The following IGFL3 variants were observed in gnomAD, a reference collection of about 807,000 sequenced individuals.
IGFL3 encodes insulin growth factor-like family member 3.
In IGFL3, 12 loss-of-function variants were observed where a neutral mutation model predicts 17.0. That is an observed-to-expected ratio of 0.71 (90% confidence interval 0.45 to 1.14). IGFL3 has a LOEUF of 1.14. Among genes scored for constraint, IGFL3 ranks in the 50% most tolerant of loss-of-function variants. The probability of loss-of-function intolerance (pLI) is 0.00; values close to 1 mark genes in which losing one functional copy is unlikely to be tolerated. For missense variants in IGFL3, 153 were observed against 151.6 expected (o/e 1.01, Z -0.05); for synonymous variants, 52 against 57.4 (o/e 0.91, Z 0.42).
rs757590414 is a variant in IGFL3 at position 46,124,054 on chromosome 19, A to G, written c.182T>C (p.Leu61Ser). Residue 61 changes from leucine (L) to serine (S), a missense_variant, in exon 3 of 4, where the codon TTA (leucine) becomes TCA (serine). Leu to Ser is a moderately radical substitution (Grantham distance 145). Transcript: ENST00000341415. ...SEQCCYDDAI[L>S]SLKETRRCGS... Reference sequence around the variant, plus strand: ...ACAGCGGCGGGTCTCCTTTAAGGATAAGATGGCATCATCATAACAGCACTG... The same window carrying G: ...ACAGCGGCGGGTCTCCTTTAAGGATGAGATGGCATCATCATAACAGCACTG... 3 of 1,611,624 alleles carry G rather than the reference A, an allele frequency of 1.9e-6. 1 individual carries two copies. The South Asian group carries it at 3.3e-5, about 18-fold the overall frequency.
intron 2 of IGFL3, 28 bp from the exon 3 acceptor site, chr19:46,124,184 C>G: frequency 6.2e-7 from 1 of 1,610,210 alleles, no homozygotes. Context: ...TGGTGTACAT[C>G]CAAGGAAGAA....
intron 1 of IGFL3, 33 bp downstream of exon 1, chr19:46,124,592 T>C: frequency 6.3e-7 from 1 of 1,584,440 alleles, no homozygotes; most frequent in Non-Finnish European, 8.6e-7. Context: ...GGGAATGAGA[T>C]GAGATGATGT....
intron 3 of IGFL3, among the ~76,000 whole-genome samples, chr19:46,120,720 A>G (rs1971713408): frequency 6.6e-6 from 1 of 151,082 alleles, no homozygotes; most frequent in African/African-American, 2.5e-5. Context: ...GGAGATACAG[A>G]TATTATAAAC....
intron 3 of IGFL3, among the ~76,000 whole-genome samples, chr19:46,121,370 G>C (rs2146711995): frequency 6.8e-6 from 1 of 146,514 alleles, no homozygotes; most frequent in South Asian, 2.2e-4. Flanking sequence ...CTCCAGCCTG[G>C]GTGACAAAGT....
Position 46,120,430 on chromosome 19 carries a change from A to G in IGFL3, c.351-73T>C, listed in dbSNP as rs564090450. The G allele has an allele frequency of 2.3e-5, 37 of 1,596,882 alleles. 1 individual carries two copies. The highest frequency in any genetic ancestry group is 3.4e-5 in the Admixed American group (2 of 58,052). On this transcript the variant is annotated intron_variant, in intron 3 of 3. Transcript: ENST00000341415. ...GGAAAAAATTATCCCCTACAAAAGC[A>G]ATTTTAACAAACTTGACTTTAACAG... is the stretch of plus-strand genomic sequence containing the variant.
chr19:46,122,584 G>A lies in IGFL3; in HGVS notation c.350+1302C>T, dbSNP rs777944290. Among the ~76,000 whole-genome samples the A allele has an allele frequency of 2.1e-4, 31 of 150,950 alleles. 1 individual carries two copies. Among genetic ancestry groups the A allele is most frequent in the Non-Finnish European group, 3.8e-4 (26 of 67,964 alleles). On this transcript the variant is annotated intron_variant, in intron 3 of 3. Coordinates refer to ENST00000341415, the MANE Select transcript of IGFL3 (RefSeq NM_207393.2). ...ATTTTTTTGGTAAAGTTTACTGCCT[G>A]AAAAGAGTTTAATAAAGAACATCCA...
At chr19:46,123,552 A>G (rs1289886833) in intron 3 of IGFL3, among the ~76,000 whole-genome samples, 2 of 150,752 alleles carry the variant, frequency 1.3e-5, no homozygotes, top group Non-Finnish European at 2.9e-5. Context: ...TCAGAGAAGC[A>G]AAACATCTTT....
At chr19:46,124,201 C>A (rs1253621699) in intron 2 of IGFL3, 45 bp from the exon 3 acceptor site, 2 of 1,609,674 alleles carry the variant, frequency 1.2e-6, no homozygotes, top group Non-Finnish European at 1.7e-6. Context: ...AGAACAGATA[C>A]TCAATTCCCA....
Position 46,123,799 on chromosome 19 carries a change from T to G in IGFL3, c.350+87A>C, listed in dbSNP as rs930002857. 11 of 1,426,778 alleles carry G rather than the reference T, an allele frequency of 7.7e-6. No individual in the cohort carries two copies. In the African/African-American group the frequency reaches 1.5e-4, roughly 19 times the overall value. The allele number at this position is 1,426,778 out of a possible 1,614,324, so 88.4% of individuals were successfully genotyped here. A position where few individuals can be genotyped will look rare whatever the true frequency, so the allele number is the denominator to read the frequency against. On this transcript the variant is annotated intron_variant, in intron 3 of 3. Transcript: ENST00000341415. ...AGCCTGACTCTTTTGCCGTTAGAAC[T>G]CCACAAACAGGAGTTCCTCTTCAAG...
intron 1 of IGFL3, 90 bp downstream of exon 1, chr19:46,124,535 T>TTAGAGA: frequency 7.6e-7 from 1 of 1,312,558 alleles, no homozygotes; most frequent in Non-Finnish European, 1.1e-6. Flanking sequence ...TGGAATAATG[T>TTAGAGA]TAGAGATAAA....
In IGFL3 at chr19:46,123,903, G is replaced by A; in HGVS notation, c.333C>T (p.Ile111=). 1 of 1,610,910 alleles carries A rather than the reference G, an allele frequency of 6.2e-7. No homozygotes were observed. Among genetic ancestry groups the A allele is most frequent in the Non-Finnish European group, 8.5e-7 (1 of 1,179,386 alleles). ...ACCTTTACCTGGTACAGCTCCGGGAGATGGGAGATAAGTGACACTGAGACT... is the reference window on the plus strand; with the variant it reads ...ACCTTTACCTGGTACAGCTCCGGGAAATGGGAGATAAGTGACACTGAGACT... The part of the protein sequence containing the change: ...GMKSQCHLSP[I]SRSCTRNRRH... The change falls in exon 3 of 4, where the codon ATC becomes ATT. Residue 111 remains isoleucine, a synonymous_variant. Transcript: ENST00000341415.
chr19:46,120,357 C>CACAG lies in IGFL3; in HGVS notation c.351-1_351insCTGT (p.Arg117SerfsTer37). 1 of 1,611,002 alleles carries CACAG rather than the reference C, an allele frequency of 6.2e-7. No homozygotes were observed. The highest frequency in any genetic ancestry group is 8.5e-7 in the Non-Finnish European group (1 of 1,179,562). On this transcript the variant is annotated frameshift_variant and splice_region_variant. Transcript: ENST00000341415. LOFTEE classifies it high-confidence loss of function. The stretch of plus-strand genomic sequence containing the variant: ...ATGGGTACAGGACGTGCCTCCTGTT[C>CACAG]CTATCACAGTGCCCCAAATCAAAGT...
chr19:46,124,499 G>T, intron 1 of IGFL3, 126 bp downstream of exon 1: 2 of 1,146,898 alleles, frequency 1.7e-6, no homozygotes, highest in Middle Eastern at 2.0e-4. Flanking sequence ...GTCACCCTTT[G>T]AGGTGACTAG....
rs116172979 is a variant in IGFL3 at position 46,122,342 on chromosome 19, A to G, written c.350+1544T>C. Among the ~76,000 whole-genome samples, 680 of 151,180 alleles carry G rather than the reference A, an allele frequency of 4.5e-3. 38 individuals carry two copies. Among genetic ancestry groups the G allele is most frequent in the African/African-American group, 0.015 (614 of 40,838 alleles). ...TTTTGATATTTAGGACAAATACTAA[A>G]TATTATAATTTTCTCCCAGCACATC... is the stretch of plus-strand genomic sequence containing the variant. On this transcript the variant is annotated intron_variant, in intron 3 of 3. Coordinates refer to ENST00000341415, the MANE Select transcript of IGFL3 (RefSeq NM_207393.2).
chr19:46,123,344 TTAAC>T (rs1256635694), intron 3 of IGFL3, among the ~76,000 whole-genome samples: 5 of 150,786 alleles, frequency 3.3e-5, no homozygotes, highest in Admixed American at 2.0e-4. Context: ...TAAACTGACA[TTAAC>T]TAATAAAAAT....
At chr19:46,121,515 GT>G (rs1160451725) in intron 3 of IGFL3, among the ~76,000 whole-genome samples, 2 of 150,516 alleles carry the variant, frequency 1.3e-5, no homozygotes, top group African/African-American at 4.9e-5. Flanking sequence ...ACTGAGAGGA[GT>G]AGTATTTTCT....
At position 46,124,312 on chromosome 19, in the gene IGFL3, C is replaced by A. The variant is rs200704784; in HGVS notation, c.35G>T (p.Cys12Phe). 2.5e-6 allele frequency: 4 copies of A among 1,610,060 alleles called. 1 individual carries two copies. In the African/African-American group the frequency reaches 4.1e-5, roughly 16 times the overall value. The change falls in exon 2 of 4, where the codon TGC (cysteine) becomes TTC (phenylalanine). Residue 12 changes from cysteine (C) to phenylalanine (F), a missense_variant. By Grantham distance (205) the Cys-to-Phe change is radical. Transcript: ENST00000341415. ...RPRCCILALV[C>F]WITVFLLQCS... Reference sequence around the variant, plus strand: ...CTGGAGGAGGAAGACTGTTATCCAGCAGACAAGAGCTAAGGGAGAAAGGAA... The same window carrying A: ...CTGGAGGAGGAAGACTGTTATCCAGAAGACAAGAGCTAAGGGAGAAAGGAA...
Position 46,120,078 on chromosome 19 carries a change from A to G in IGFL3, c.*252T>C, listed in dbSNP as rs985617881. 21 of 531,994 alleles carry G rather than the reference A, an allele frequency of 3.9e-5. No homozygotes were observed. The highest frequency in any genetic ancestry group is 6.7e-5 in the Admixed American group (2 of 30,044). 33.0% of individuals were successfully genotyped at this position (531,994 alleles called of 1,614,324 possible). A position where few individuals can be genotyped will look rare whatever the true frequency, so the allele number is the denominator to read the frequency against. On this transcript the variant is annotated 3_prime_UTR_variant, in exon 4 of 4. Transcript: ENST00000341415. ...GTTGCATGAACGAATTGAAGATGGT[A>G]AATGTGGGGGATTTTATTGCCGATG... is the stretch of plus-strand genomic sequence containing the variant.
chr19:46,120,369 C>T lies in IGFL3; in HGVS notation c.351-12G>A, dbSNP rs776463204. ...CGTGCCTCCTGTTCCTATCACAGTG[C>T]CCCAAATCAAAGTGTCTTAACAACA... On this transcript the variant is annotated splice_polypyrimidine_tract_variant and intron_variant, in intron 3 of 3. Transcript: ENST00000341415. 3.1e-6 allele frequency: 5 copies of T among 1,610,680 alleles called. No homozygotes were observed. Among genetic ancestry groups the T allele is most frequent in the Non-Finnish European group, 4.2e-6 (5 of 1,179,462 alleles).
Sources: allele counts gnomAD v4.1 joint callset (sites outside exome capture counted in the v4.1 genomes callset), GRCh38; gene constraint gnomAD v4.1.1; transcripts MANE v1.5; gene names NCBI Gene and HGNC (gene_info 2026-07-23, HGNC 2026-07-21).